SLC39A11: variants seen among roughly 807,000 people sequenced by gnomAD.
SLC39A11 encodes solute carrier family 39 member 11.
SLC39A11 carries 33 observed loss-of-function variants against 36.1 expected under a neutral mutation model. The ratio of observed to expected loss-of-function variants is 0.91; its 90% CI spans 0.69 to 1.22. The LOEUF (loss-of-function observed/expected upper bound fraction) is 1.22, where lower values mean the gene tolerates loss of function less well. Among genes scored for constraint, SLC39A11 ranks in the 50% most tolerant of loss-of-function variants. The pLI is 0.00. For synonymous variants in SLC39A11, 166 were observed against 170.3 expected (o/e 0.97, Z 0.20); for missense variants, 432 against 430.3 (o/e 1.00, Z -0.03).
intron 4 of SLC39A11, among the ~76,000 whole-genome samples, chr17:72,967,378 G>C (rs2087073621): frequency 6.9e-6 from 1 of 144,524 alleles, no homozygotes; most frequent in African/African-American, 2.7e-5. Context: ...CTCAGAGAGA[G>C]AGAGAGAGAG....
At chr17:72,911,450 C>CT (rs772729498) in intron 5 of SLC39A11, among the ~76,000 whole-genome samples, 9 of 152,058 alleles carry the variant, frequency 5.9e-5, no homozygotes, top group Non-Finnish European at 1.2e-4. Context: ...AAAACGTTCT[C>CT]TTTTTACACA....
At chr17:72,920,195 T>C (rs554766277) in intron 5 of SLC39A11, among the ~76,000 whole-genome samples, 2 of 152,080 alleles carry the variant, frequency 1.3e-5, no homozygotes, top group Non-Finnish European at 2.9e-5. Flanking sequence ...ATGTCCTCCC[T>C]GCTGCAATCT....
chr17:73,077,804 G>A (rs1323739875), intron 3 of SLC39A11, among the ~76,000 whole-genome samples: 2 of 152,112 alleles, frequency 1.3e-5, no homozygotes, highest in African/African-American at 4.8e-5. Context: ...CATCTTAAAT[G>A]TTCATGTTTT....
At chr17:73,086,754 A>AGGTTGC (rs1236989774) in intron 2 of SLC39A11, among the ~76,000 whole-genome samples, 2 of 152,182 alleles carry the variant, frequency 1.3e-5, no homozygotes, top group Non-Finnish European at 2.9e-5. Flanking sequence ...CAGGAGGTGG[A>AGGTTGC]GGTTGCAGTG....
chr17:72,686,719 A>G (rs187526269), intron 7 of SLC39A11, among the ~76,000 whole-genome samples: 32 of 152,292 alleles, frequency 2.1e-4, no homozygotes, highest in African/African-American at 7.2e-4. Context: ...CATATGTTCA[A>G]GTTTATAAGG....
At chr17:73,038,900 C>G (rs1042363827) in intron 3 of SLC39A11, among the ~76,000 whole-genome samples, 1 of 152,052 alleles carries the variant, frequency 6.6e-6, no homozygotes, top group African/African-American at 2.4e-5. Context: ...CTTCTGCTCC[C>G]TCACCTTGGC....
chr17:73,004,841 T>A (rs536589404), intron 4 of SLC39A11, among the ~76,000 whole-genome samples: 1 of 152,022 alleles, frequency 6.6e-6, no homozygotes, highest in African/African-American at 2.4e-5. Flanking sequence ...CTTGGGAATA[T>A]TGGAAGGAAA....
At chr17:73,052,329 A>G (rs1430059131) in intron 3 of SLC39A11, among the ~76,000 whole-genome samples, 1 of 152,176 alleles carries the variant, frequency 6.6e-6, no homozygotes, top group Non-Finnish European at 1.5e-5. Flanking sequence ...AAAAAAAAAC[A>G]GGAAGACTAA....
chr17:72,709,363 GC>G (rs1169281322), intron 7 of SLC39A11, among the ~76,000 whole-genome samples: 1 of 152,180 alleles, frequency 6.6e-6, no homozygotes, highest in Non-Finnish European at 1.5e-5. Context: ...CTCCCAAAGT[GC>G]TGGGAATACA....
At chr17:72,946,694 A>C (rs1350238691) in intron 5 of SLC39A11, among the ~76,000 whole-genome samples, 1 of 152,148 alleles carries the variant, frequency 6.6e-6, no homozygotes, top group Non-Finnish European at 1.5e-5. Flanking sequence ...TGCAGGATTA[A>C]ATGGGGAACT....
intron 7 of SLC39A11, among the ~76,000 whole-genome samples, chr17:72,694,367 A>G (rs1487927056): frequency 6.6e-6 from 1 of 152,224 alleles, no homozygotes; most frequent in East Asian, 1.9e-4. Context: ...TTGGCTCCTT[A>G]GGATACCTCC....
At chr17:72,961,962 C>T (rs1472071544) in intron 4 of SLC39A11, among the ~76,000 whole-genome samples, 1 of 152,158 alleles carries the variant, frequency 6.6e-6, no homozygotes, top group African/African-American at 2.4e-5. Context: ...CTTTGAAGAA[C>T]GTGTTCAATG....
At chr17:72,887,141 G>A (rs1470559353) in intron 5 of SLC39A11, among the ~76,000 whole-genome samples, 1 of 152,102 alleles carries the variant, frequency 6.6e-6, no homozygotes, top group Non-Finnish European at 1.5e-5. Flanking sequence ...GTCTTTTTGG[G>A]TACACTGATG....
chr17:73,019,520 G>C (rs1471232233), intron 4 of SLC39A11, among the ~76,000 whole-genome samples: 1 of 152,148 alleles, frequency 6.6e-6, no homozygotes, highest in Non-Finnish European at 1.5e-5. Context: ...TTACAAGGTA[G>C]ACTATGATGG....
chr17:72,762,717 C>T (rs186341199), intron 6 of SLC39A11, among the ~76,000 whole-genome samples: 1 of 152,290 alleles, frequency 6.6e-6, no homozygotes, highest in East Asian at 1.9e-4. Context: ...CCAGTAACAT[C>T]AGGGTTCCCT....
chr17:73,003,045 T>C (rs2089909182), intron 4 of SLC39A11, among the ~76,000 whole-genome samples: 1 of 152,214 alleles, frequency 6.6e-6, no homozygotes, highest in Admixed American at 6.5e-5. Flanking sequence ...TTCTTTCATA[T>C]AAGGTAACAT....
At chr17:72,950,418 C>A (rs1231800838) in intron 4 of SLC39A11, among the ~76,000 whole-genome samples, 1 of 152,174 alleles carries the variant, frequency 6.6e-6, no homozygotes, top group Non-Finnish European at 1.5e-5. Flanking sequence ...CCGGTCTCTC[C>A]CTCTGTAGAA....
At chr17:72,849,550 T>C in intron 6 of SLC39A11, 84 bp downstream of exon 6, 1 of 1,384,144 alleles carries the variant, frequency 7.2e-7, no homozygotes, top group Non-Finnish European at 9.5e-7. Context: ...CAATTGCCCC[T>C]TCCCCTTTTC....
At chr17:73,075,043 C>A (rs2060276561) in intron 3 of SLC39A11, among the ~76,000 whole-genome samples, 1 of 152,130 alleles carries the variant, frequency 6.6e-6, no homozygotes, top group East Asian at 1.9e-4. Context: ...AATGGTGATC[C>A]CCGATGTTTC....
Sources: allele counts gnomAD v4.1 joint callset (sites outside exome capture counted in the v4.1 genomes callset), GRCh38; gene constraint gnomAD v4.1.1; transcripts MANE v1.5; gene names NCBI Gene and HGNC (gene_info 2026-07-23, HGNC 2026-07-21).